Variants in TMEM232 observed in about 807,000 individuals in gnomAD.
The protein encoded by TMEM232 is transmembrane protein 232.
A neutral mutation model predicts 78.8 loss-of-function variants in TMEM232; 80 were observed. The ratio of observed to expected loss-of-function variants is 1.01; its 90% CI spans 0.85 to 1.22. The LOEUF (loss-of-function observed/expected upper bound fraction) is 1.22. TMEM232 is among the 50% of genes most tolerant of loss of function. The pLI is 0.00. For synonymous variants in TMEM232, 297 were observed against 254.3 expected (o/e 1.17, Z -1.60); for missense variants, 881 against 742.2 (o/e 1.19, Z -2.17).
chr5:110,646,202 C>A (rs74350918), intron 2 of TMEM232, among the ~76,000 whole-genome samples: 261 of 151,648 alleles, frequency 1.7e-3, no homozygotes, highest in African/African-American at 5.9e-3. Flanking sequence ...CTATCAAATC[C>A]CAATAGCATT....
intron 12 of TMEM232, among the ~76,000 whole-genome samples, chr5:110,461,485 G>A (rs1053653416): frequency 6.6e-6 from 1 of 152,192 alleles, no homozygotes; most frequent in East Asian, 1.9e-4. Context: ...AGGTGAAGCG[G>A]CAAGTGCTAA....
intron 2 of TMEM232, among the ~76,000 whole-genome samples, chr5:110,644,683 G>A (rs1356665680): frequency 6.6e-6 from 1 of 151,378 alleles, no homozygotes; most frequent in Admixed American, 6.6e-5. Context: ...GAAAAAAACA[G>A]CTTAACTTTA....
chr5:110,528,183 C>T (rs1398413570), intron 12 of TMEM232, among the ~76,000 whole-genome samples: 1 of 151,782 alleles, frequency 6.6e-6, no homozygotes, highest in Non-Finnish European at 1.5e-5. Context: ...TAATTAGCCT[C>T]ATAACTACCA....
chr5:110,587,755 T>C (rs1056895113), intron 10 of TMEM232, among the ~76,000 whole-genome samples: 1 of 144,644 alleles, frequency 6.9e-6, no homozygotes, highest in South Asian at 2.2e-4. Context: ...TGTCAGGCTG[T>C]ACAGTTTAAA....
At chr5:110,665,904 A>G (rs1444715994) in intron 2 of TMEM232, among the ~76,000 whole-genome samples, 2 of 151,654 alleles carry the variant, frequency 1.3e-5, no homozygotes, top group Non-Finnish European at 2.9e-5. Flanking sequence ...AAAAAAAAAA[A>G]AAAAAAAACT....
At chr5:110,592,877 T>C (rs935289347) in intron 10 of TMEM232, among the ~76,000 whole-genome samples, 2 of 152,202 alleles carry the variant, frequency 1.3e-5, no homozygotes, top group African/African-American at 4.8e-5. Flanking sequence ...GTTGACACAA[T>C]GGTATTCAGA....
chr5:110,503,656 G>C (rs957965510), intron 12 of TMEM232, among the ~76,000 whole-genome samples: 7 of 152,074 alleles, frequency 4.6e-5, no homozygotes, highest in Admixed American at 3.9e-4. Flanking sequence ...CCTCTACTCA[G>C]GTTTGCCTAG....
At chr5:110,657,062 A>C (rs1466844759) in intron 2 of TMEM232, among the ~76,000 whole-genome samples, 3 of 152,162 alleles carry the variant, frequency 2.0e-5, no homozygotes, top group Non-Finnish European at 4.4e-5. Context: ...CTTTGTGGTC[A>C]CAACATTGAA....
chr5:110,673,522 C>A (rs1344936203), intron 1 of TMEM232, among the ~76,000 whole-genome samples: 9 of 151,910 alleles, frequency 5.9e-5, no homozygotes, highest in African/African-American at 2.2e-4. Flanking sequence ...TTGGAAAATT[C>A]TTTGTAATTT....
chr5:110,700,805 G>GATAT (rs1241943148), intron 1 of TMEM232, among the ~76,000 whole-genome samples: 5 of 151,622 alleles, frequency 3.3e-5, no homozygotes, highest in Non-Finnish European at 5.9e-5. Flanking sequence ...TAGATAGATA[G>GATAT]ATAGATAGAT....
intron 12 of TMEM232, among the ~76,000 whole-genome samples, chr5:110,466,290 T>C (rs549486205): frequency 6.6e-6 from 1 of 152,280 alleles, no homozygotes; most frequent in East Asian, 1.9e-4. Context: ...AATACCAAGA[T>C]AATGAATTAC....
intron 11 of TMEM232, among the ~76,000 whole-genome samples, chr5:110,549,252 T>C (rs933604610): frequency 2.0e-5 from 3 of 151,274 alleles, no homozygotes; most frequent in African/African-American, 7.3e-5. Context: ...CAGAAGAAAA[T>C]AATAAACCTA....
intron 3 of TMEM232, chr5:110,390,771 C>T (rs1755145464): frequency 6.6e-6 from 1 of 152,204 alleles, no homozygotes. Context: ...TGGTTCTGAT[C>T]ATTTGATATT....
At chr5:110,523,067 T>C (rs1348413635) in intron 12 of TMEM232, among the ~76,000 whole-genome samples, 1 of 152,228 alleles carries the variant, frequency 6.6e-6, no homozygotes. Context: ...TTTTATTTAC[T>C]GATTCAATCT....
intron 2 of TMEM232, among the ~76,000 whole-genome samples, chr5:110,732,764 G>C (rs1342370353): frequency 6.6e-6 from 1 of 152,184 alleles, no homozygotes; most frequent in African/African-American, 2.4e-5. Flanking sequence ...CAAATATTTA[G>C]AGTTCTCATT....
chr5:110,602,831 C>T (rs1045390715), intron 10 of TMEM232, among the ~76,000 whole-genome samples: 1 of 152,040 alleles, frequency 6.6e-6, no homozygotes, highest in African/African-American at 2.4e-5. Context: ...CTACTATAAA[C>T]ACATGCACAC....
intron 5 of TMEM232, among the ~76,000 whole-genome samples, chr5:110,636,058 A>G (rs571038183): frequency 2.0e-5 from 3 of 152,172 alleles, no homozygotes; most frequent in Admixed American, 1.3e-4. Flanking sequence ...TGTGGTGTAT[A>G]TACACAATGC....
intron 2 of TMEM232, among the ~76,000 whole-genome samples, chr5:110,410,789 A>G (rs973614038): frequency 4.6e-5 from 7 of 152,198 alleles, no homozygotes; most frequent in Admixed American, 3.9e-4. Flanking sequence ...ATTGAGGTAC[A>G]GAGAGGTGGG....
At chr5:110,465,021 T>A (rs574854499) in intron 12 of TMEM232, among the ~76,000 whole-genome samples, 13 of 152,234 alleles carry the variant, frequency 8.5e-5, no homozygotes, top group Non-Finnish European at 1.8e-4. Flanking sequence ...TACATCCTTA[T>A]AAACAGACAC....
Sources: allele counts gnomAD v4.1 joint callset (sites outside exome capture counted in the v4.1 genomes callset), GRCh38; gene constraint gnomAD v4.1.1; transcripts MANE v1.5; gene names NCBI Gene and HGNC (gene_info 2026-07-23, HGNC 2026-07-21).